The following SLC9A9 variants were observed in gnomAD, a reference collection of about 807,000 sequenced individuals.
SLC9A9 encodes the protein solute carrier family 9 member A9.
In SLC9A9, 62 loss-of-function variants were observed where a neutral mutation model predicts 77.8. The ratio of observed to expected loss-of-function variants is 0.80; its 90% CI spans 0.65 to 0.98. The LOEUF (loss-of-function observed/expected upper bound fraction) is 0.98, where lower values mean the gene tolerates loss of function less well. Ranked by LOEUF, SLC9A9 falls within the 50% of genes least tolerant of loss-of-function variation. SLC9A9 has a pLI of 0.00. For missense variants in SLC9A9, 775 were observed against 774.9 expected (o/e 1.00, Z 0.00); for synonymous variants, 320 against 283.5 (o/e 1.13, Z -1.29).
At chr3:143,801,465 A>G (rs779825838) in intron 2 of SLC9A9, among the ~76,000 whole-genome samples, 10 of 151,632 alleles carry the variant, frequency 6.6e-5, no homozygotes, top group South Asian at 6.3e-4. Flanking sequence ...AGTTATACTC[A>G]CTCTTTGTTG....
At chr3:143,509,824 T>C (rs2036086289) in intron 9 of SLC9A9, among the ~76,000 whole-genome samples, 1 of 152,218 alleles carries the variant, frequency 6.6e-6, no homozygotes, top group Non-Finnish European at 1.5e-5. Context: ...GTACTATAGA[T>C]ATGTGCTAGA....
chr3:143,706,547 G>C (rs1250984551), intron 4 of SLC9A9, among the ~76,000 whole-genome samples: 1 of 152,186 alleles, frequency 6.6e-6, no homozygotes. Context: ...AGTAAAACAG[G>C]GAGCCAAGTG....
intron 12 of SLC9A9, among the ~76,000 whole-genome samples, chr3:143,463,881 T>C (rs1453564950): frequency 6.6e-6 from 1 of 152,230 alleles, no homozygotes; most frequent in Non-Finnish European, 1.5e-5. Context: ...ATAGGATCAT[T>C]ACTGTTTTAA....
intron 6 of SLC9A9, among the ~76,000 whole-genome samples, chr3:143,645,128 T>A (rs1230380681): frequency 4.6e-5 from 7 of 152,142 alleles, no homozygotes. Flanking sequence ...ATGATTAGTA[T>A]TATAAAACGT....
intron 12 of SLC9A9, among the ~76,000 whole-genome samples, chr3:143,438,809 C>G (rs918417989): frequency 6.6e-6 from 1 of 152,088 alleles, no homozygotes; most frequent in African/African-American, 2.4e-5. Context: ...CCCAGGGGAC[C>G]TCAGCTGCCT....
intron 12 of SLC9A9, among the ~76,000 whole-genome samples, chr3:143,460,765 T>C (rs1034945893): frequency 6.6e-6 from 1 of 152,186 alleles, no homozygotes; most frequent in Non-Finnish European, 1.5e-5. Context: ...ATTTAGGAAC[T>C]GCTAATTCAT....
intron 14 of SLC9A9, among the ~76,000 whole-genome samples, chr3:143,330,862 C>A (rs1025448215): frequency 1.3e-5 from 2 of 152,204 alleles, no homozygotes; most frequent in African/African-American, 2.4e-5. Flanking sequence ...TGCATTAATG[C>A]ATATTTCATT....
rs1298989641 is a variant in SLC9A9, at chr3:143,643,096, T to G, written c.755+9159A>C. 3.3e-5 allele frequency among the ~76,000 whole-genome samples: 5 copies of G among 152,320 alleles called. No homozygotes were observed. The East Asian group carries it at 5.8e-4, about 18-fold the overall frequency. On this transcript the variant is annotated intron_variant, in intron 6 of 15. Coordinates refer to ENST00000316549, the MANE Select transcript of SLC9A9 (RefSeq NM_173653.4). ...GTTATTCTTCTTGCGGCCTGTACAT[T>G]TTTTATTGTGAGCTCATTTTCAGAA...
chr3:143,464,281 G>A (rs926147733), intron 12 of SLC9A9, among the ~76,000 whole-genome samples: 14 of 152,168 alleles, frequency 9.2e-5, no homozygotes, highest in African/African-American at 3.1e-4. Flanking sequence ...GCAAAGCCTT[G>A]CTAAATAGAG....
At chr3:143,529,989 C>T (rs1006297237) in intron 9 of SLC9A9, among the ~76,000 whole-genome samples, 4 of 152,094 alleles carry the variant, frequency 2.6e-5, no homozygotes, top group East Asian at 1.9e-4. Context: ...GAGTCTAACC[C>T]GTGCACCACC....
chr3:143,613,888 G>T (rs1378551966), intron 6 of SLC9A9, among the ~76,000 whole-genome samples: 1 of 151,768 alleles, frequency 6.6e-6, no homozygotes, highest in Non-Finnish European at 1.5e-5. Context: ...AAATAATGTT[G>T]TCCATTCTAG....
Position 143,300,009 on chromosome 3 carries a change from A to G in SLC9A9, c.1605-31029T>C, listed in dbSNP as rs759505494. The stretch of plus-strand genomic sequence containing the variant: ...AGCAGAGATCGCTAATCTTTTCTCT[A>G]TAGTGGGTGGCCATCCCAGACTCTA... On this transcript the variant is annotated intron_variant, in intron 14 of 15. Coordinates refer to ENST00000316549, the MANE Select transcript of SLC9A9 (RefSeq NM_173653.4). Among the ~76,000 whole-genome samples the G allele has an allele frequency of 6.6e-5, 10 of 152,322 alleles. No homozygotes were observed. In the East Asian group the frequency reaches 1.5e-3, roughly 24 times the overall value.
At chr3:143,735,276 G>A (rs1412825938) in intron 4 of SLC9A9, among the ~76,000 whole-genome samples, 1 of 152,172 alleles carries the variant, frequency 6.6e-6, no homozygotes, top group East Asian at 1.9e-4. Flanking sequence ...AAGCAGCAAA[G>A]TGAACAATAG....
intron 12 of SLC9A9, among the ~76,000 whole-genome samples, chr3:143,384,195 G>C (rs978764137): frequency 1.3e-5 from 2 of 151,720 alleles, no homozygotes; most frequent in Admixed American, 6.6e-5. Context: ...GAAGGGATGA[G>C]GGGAGAACAG....
At chr3:143,697,024 C>A (rs1345770733) in intron 4 of SLC9A9, among the ~76,000 whole-genome samples, 2 of 151,744 alleles carry the variant, frequency 1.3e-5, no homozygotes, top group Admixed American at 1.3e-4. Flanking sequence ...ATCAAGATTC[C>A]TGTTATTTAC....
At chr3:143,666,084 A>G (rs1375952817) in intron 5 of SLC9A9, among the ~76,000 whole-genome samples, 5 of 152,240 alleles carry the variant, frequency 3.3e-5, no homozygotes, top group African/African-American at 1.2e-4. Context: ...AAAAATCCTC[A>G]ATGAAATACT....
intron 10 of SLC9A9, 27 bp downstream of exon 10, chr3:143,495,308 C>A (rs761880877): frequency 6.6e-7 from 1 of 1,522,032 alleles, no homozygotes; most frequent in Non-Finnish European, 9.1e-7. Context: ...TCTCTAATCA[C>A]CCCATGTTCT....
Position 143,397,914 on chromosome 3 carries a change from T to C in SLC9A9, c.1470-15800A>G, listed in dbSNP as rs151291550. ...CATATATTTAATATATTTAAAGAACTGTAAAACTCCTCTATGCAATAATCC... is the reference window on the plus strand; with the variant it reads ...CATATATTTAATATATTTAAAGAACCGTAAAACTCCTCTATGCAATAATCC... On this transcript the variant is annotated intron_variant, in intron 12 of 15. Transcript: ENST00000316549. Among the ~76,000 whole-genome samples, 395 of 152,282 alleles carry C rather than the reference T, an allele frequency of 2.6e-3. 2 individuals carry two copies. The highest frequency in any genetic ancestry group is 9.1e-3 in the African/African-American group (378 of 41,556).
At chr3:143,821,462 C>T (rs1413039184) in intron 2 of SLC9A9, among the ~76,000 whole-genome samples, 2 of 152,154 alleles carry the variant, frequency 1.3e-5, no homozygotes, top group African/African-American at 4.8e-5. Flanking sequence ...GCCATGTGAT[C>T]TTAGAGGCAG....
Sources: gnomAD v4.1 joint callset for allele counts (sites outside exome capture counted in the v4.1 genomes callset) on GRCh38, gnomAD v4.1.1 for gene constraint, MANE v1.5 for transcripts, NCBI Gene and HGNC (gene_info 2026-07-23, HGNC 2026-07-21) for gene names.